HEATR6: variants seen among roughly 807,000 people sequenced by gnomAD.
The protein encoded by HEATR6 is HEAT repeat containing 6, also known as HEAT repeat-containing protein 6.
HEATR6 carries 106 observed loss-of-function variants against 132.8 expected under a neutral mutation model. The ratio of observed to expected loss-of-function variants is 0.80; its 90% CI spans 0.68 to 0.94. HEATR6 has a LOEUF of 0.94. HEATR6 is among the 40% of genes least tolerant of loss of function. The pLI is 0.00. For synonymous variants in HEATR6, 529 were observed against 537.8 expected, an observed-to-expected ratio of 0.98 and a Z score of 0.23; for missense variants, 1,339 against 1,425.1, an observed-to-expected ratio of 0.94 and a Z score of 0.97.
chr17:60,058,795 T>C (rs895789264), intron 11 of HEATR6, among the ~76,000 whole-genome samples: 2 of 152,204 alleles, frequency 1.3e-5, no homozygotes, highest in Non-Finnish European at 2.9e-5. Context: ...TATTCCTTCC[T>C]TGTTACAATT....
At chr17:60,056,293 C>A in intron 12 of HEATR6, 56 bp from the exon 13 acceptor site, 4 of 1,510,270 alleles carry the variant, frequency 2.6e-6, no homozygotes, top group Non-Finnish European at 2.7e-6. Flanking sequence ...GCTGCAATAT[C>A]CAGAAAAGTG....
intron 9 of HEATR6, among the ~76,000 whole-genome samples, chr17:60,065,552 G>A (rs372053864): frequency 6.6e-6 from 1 of 152,164 alleles, no homozygotes; most frequent in South Asian, 2.1e-4. Flanking sequence ...CTAAATTCTG[G>A]AGAAGAATTA....
At position 60,048,378 on chromosome 17, in the gene HEATR6, AAT is replaced by A. The variant is rs759675436; in HGVS notation, c.2556_2557del (p.Phe853CysfsTer13). 6.2e-7 allele frequency: 1 copy of A among 1,611,896 alleles called. No individual in the cohort carries two copies. Among genetic ancestry groups the A allele is most frequent in the Admixed American group, 1.7e-5 (1 of 59,914 alleles). ...TATTGCATTTGCTGCGTCTGCAACA[AAT>A]ATGACATCCTGTAACACAAAACAAA... On this transcript the variant is annotated frameshift_variant, in exon 17 of 20. Transcript: ENST00000184956. LOFTEE classifies it high-confidence loss of function.
intron 8 of HEATR6, among the ~76,000 whole-genome samples, chr17:60,066,713 C>T (rs1254117531): frequency 1.3e-5 from 2 of 152,156 alleles, no homozygotes; most frequent in Admixed American, 6.5e-5. Context: ...ATCCATTCAA[C>T]GAATATCTAC....
At position 60,043,964 on chromosome 17, in the gene HEATR6, C is replaced by T. The variant is rs756583158; in HGVS notation, c.3145G>A (p.Ala1049Thr). Reference sequence around the variant, plus strand: ...ATGGTGTCTTCACTCTTCTGTAAAGCGGTGACCAATGCATTCCAGATCCGA... The same window carrying T: ...ATGGTGTCTTCACTCTTCTGTAAAGTGGTGACCAATGCATTCCAGATCCGA... ...YARIWNALVT[A>T]LQKSEDTIDF... The change falls in exon 20 of 20, where the codon GCT becomes ACT. Residue 1049 changes from alanine to threonine, a missense_variant. Coordinates refer to ENST00000184956, the MANE Select transcript of HEATR6 (RefSeq NM_022070.5). 29 of 1,613,948 alleles carry T rather than the reference C, an allele frequency of 1.8e-5. No homozygotes were observed. The highest frequency in any genetic ancestry group is 2.2e-5 in the East Asian group (1 of 44,902).
At position 60,057,194 on chromosome 17, in the gene HEATR6, T is replaced by A. The variant is rs1906772546; in HGVS notation, c.1933A>T (p.Lys645Ter). The part of the protein sequence containing the change: ...SLEETSVSSP[K>*]GSSEPCWLIR... Reference sequence around the variant, plus strand: ...AGCCAGCAGGGCTCTGAAGACCCCTTAGGTGAGCTAACTGACGTTTCTTCC... The same window carrying A: ...AGCCAGCAGGGCTCTGAAGACCCCTAAGGTGAGCTAACTGACGTTTCTTCC... Residue 645 changes from lysine (K) to a stop codon, truncating the protein, a stop_gained, in exon 12 of 20, where the codon AAG becomes TAG. Coordinates refer to ENST00000184956, the MANE Select transcript of HEATR6 (RefSeq NM_022070.5). LOFTEE classifies it high-confidence loss of function. 1 of 1,614,056 alleles carries A rather than the reference T, an allele frequency of 6.2e-7. No individual in the cohort carries two copies. Among genetic ancestry groups the A allele is most frequent in the African/African-American group, 1.3e-5 (1 of 74,920 alleles).
At position 60,059,958 on chromosome 17, in the gene HEATR6, ACT is replaced by A; in HGVS notation, c.1553_1554del (p.Glu518ValfsTer23). On this transcript the variant is annotated frameshift_variant, in exon 10 of 20. Coordinates refer to ENST00000184956, the MANE Select transcript of HEATR6 (RefSeq NM_022070.5). ...AAAGCTAACAAAAGACATCTGTGCA[ACT>A]CTCTAATGCTGCAAGCGATCATTAC... ...FSVMIACSIR[E>X]LHRCLLLALV... The A allele has an allele frequency of 6.2e-7, 1 of 1,613,810 alleles. No homozygotes were observed. Among genetic ancestry groups the A allele is most frequent in the Non-Finnish European group, 8.5e-7 (1 of 1,179,800 alleles).
chr17:60,048,983 A>AATAT (rs35114523), intron 16 of HEATR6, among the ~76,000 whole-genome samples: 3,382 of 69,038 alleles, frequency 0.049, 100 homozygotes, highest in East Asian at 0.15. Flanking sequence ...ATATATATAT[A>AATAT]ATATATATAT....
Position 60,076,440 on chromosome 17 carries a change from C to A in HEATR6, c.220-203G>T, listed in dbSNP as rs186751582. ...GGAAAAAGCCAGGCACAGTGGCTCA[C>A]ACCTAATCCCAGTTCTTCCGGAGGT... On this transcript the variant is annotated intron_variant, in intron 1 of 19. Transcript: ENST00000184956. The A allele has an allele frequency of 1.0e-4, 52 of 510,070 alleles. 1 individual carries two copies. Among genetic ancestry groups the A allele is most frequent in the African/African-American group, 7.5e-4 (39 of 51,968 alleles). The allele number at this position is 510,070 out of a possible 1,614,324, so 31.6% of individuals were successfully genotyped here. A position where few individuals can be genotyped will look rare whatever the true frequency, so the allele number is the denominator to read the frequency against.
Position 60,048,265 on chromosome 17 carries a change from T to C in HEATR6, c.2671A>G (p.Met891Val). The change falls in exon 17 of 20, where the codon ATG becomes GTG. Residue 891 changes from methionine (M) to valine (V), a missense_variant and splice_region_variant. Met to Val is a conservative substitution (Grantham distance 21). Transcript: ENST00000184956. ...GNLTDTLIVN[M>V]ETPDPSFQEE... Reference sequence around the variant, plus strand: ...GGGAAAGCAAGCTCAGTCACCTACATGTTGACAATCAGAGTGTCTGTCAGG... The same window carrying C: ...GGGAAAGCAAGCTCAGTCACCTACACGTTGACAATCAGAGTGTCTGTCAGG... 6.2e-7 allele frequency: 1 copy of C among 1,612,638 alleles called. No individual in the cohort carries two copies. Among genetic ancestry groups the C allele is most frequent in the Non-Finnish European group, 8.5e-7 (1 of 1,178,950 alleles).
chr17:60,043,654 C>G lies in HEATR6; in HGVS notation c.3455G>C (p.Arg1152Thr). 1 of 1,614,152 alleles carries G rather than the reference C, an allele frequency of 6.2e-7. No individual in the cohort carries two copies. Among genetic ancestry groups the G allele is most frequent in the Non-Finnish European group, 8.5e-7 (1 of 1,180,040 alleles). Residue 1152 changes from arginine to threonine, a missense_variant, in exon 20 of 20, where the codon AGG becomes ACG. Coordinates refer to ENST00000184956, the MANE Select transcript of HEATR6 (RefSeq NM_022070.5). ...IQAPTGDTARRAIMGFLEEIL... is the reference protein window; with the variant it reads ...IQAPTGDTARTAIMGFLEEIL... ...CTCTTCTAAAAAGCCCATGATGGCCCTTCTGGCTGTGTCTCCAGTTGGTGC... is the reference window on the plus strand; with the variant it reads ...CTCTTCTAAAAAGCCCATGATGGCCGTTCTGGCTGTGTCTCCAGTTGGTGC...
Position 60,050,932 on chromosome 17 carries a change from C to T in HEATR6, c.2335G>A (p.Ala779Thr). ...TMMLNGPLPR[A>T]LQNSEHPTLQ... ...GTTGGGTGTTCTGAATTCTGCAGGGCTCTGGGTAAAGGACCGTTCAGCATC... is the reference window on the plus strand; with the variant it reads ...GTTGGGTGTTCTGAATTCTGCAGGGTTCTGGGTAAAGGACCGTTCAGCATC... Residue 779 changes from alanine to threonine, a missense_variant, in exon 15 of 20, where the codon GCC becomes ACC. Coordinates refer to ENST00000184956, the MANE Select transcript of HEATR6 (RefSeq NM_022070.5). 6.2e-7 allele frequency: 1 copy of T among 1,614,180 alleles called. No individual in the cohort carries two copies. The highest frequency in any genetic ancestry group is 8.5e-7 in the Non-Finnish European group (1 of 1,180,022).
intron 7 of HEATR6, among the ~76,000 whole-genome samples, chr17:60,068,142 A>C (rs2083252512): frequency 6.6e-6 from 1 of 152,220 alleles, no homozygotes. Flanking sequence ...ATTAAAGCCT[A>C]TAGAAAATGA....
chr17:60,060,111 T>C lies in HEATR6; in HGVS notation c.1417-15A>G, dbSNP rs1906884546. 3 of 1,571,094 alleles carry C rather than the reference T, an allele frequency of 1.9e-6. No individual in the cohort carries two copies. Among genetic ancestry groups the C allele is most frequent in the African/African-American group, 1.3e-5 (1 of 74,112 alleles). The stretch of plus-strand genomic sequence containing the variant: ...CAGGCACGTGTCTGAAATTTCGGGA[T>C]GATTCACATTGATTAGTTGAAAATT... On this transcript the variant is annotated splice_polypyrimidine_tract_variant and intron_variant, in intron 9 of 19. Transcript: ENST00000184956.
In HEATR6 at chr17:60,046,210, C is replaced by T. The variant is rs750397039; in HGVS notation, c.2789G>A (p.Arg930Gln). 52 of 1,609,688 alleles carry T rather than the reference C, an allele frequency of 3.2e-5. No individual in the cohort carries two copies. The highest frequency in any genetic ancestry group is 6.7e-5 in the East Asian group (3 of 44,866). The part of the protein sequence containing the change: ...DKDKVKSNAV[R>Q]ALGNLLHFLQ... ...AAAATGAAGCAAATTTCCAAGGGCC[C>T]GGACTGCATTGCTTTTTACCTAGAA... The change falls in exon 19 of 20, where the codon CGG becomes CAG. Residue 930 changes from arginine to glutamine, a missense_variant. Arg to Gln is a conservative substitution (Grantham distance 43). Coordinates refer to ENST00000184956, the MANE Select transcript of HEATR6 (RefSeq NM_022070.5).
In HEATR6 at chr17:60,051,049, A is replaced by G. The variant is rs1290078531; in HGVS notation, c.2290-72T>C. The G allele has an allele frequency of 1.3e-5, 20 of 1,525,568 alleles. No individual in the cohort carries two copies. In the South Asian group the frequency reaches 1.7e-4, roughly 13 times the overall value. 94.5% of individuals were successfully genotyped at this position (1,525,568 alleles called of 1,614,324 possible). A position where few individuals can be genotyped will look rare whatever the true frequency, so the allele number is the denominator to read the frequency against. ...GAACCAACTTGGAGCTAAGCCTACCAGAAATGGCCTTAGTGAAACATTTTC... is the reference window on the plus strand; with the variant it reads ...GAACCAACTTGGAGCTAAGCCTACCGGAAATGGCCTTAGTGAAACATTTTC... On this transcript the variant is annotated intron_variant, in intron 14 of 19. Coordinates refer to ENST00000184956, the MANE Select transcript of HEATR6 (RefSeq NM_022070.5).
intron 16 of HEATR6, 89 bp from the exon 17 acceptor site, chr17:60,048,477 G>T: frequency 8.0e-7 from 1 of 1,255,150 alleles, no homozygotes; most frequent in Non-Finnish European, 1.1e-6. Context: ...AAAGCTAGAA[G>T]CCTTCATGCA....
intron 5 of HEATR6, among the ~76,000 whole-genome samples, chr17:60,071,831 C>T (rs898098122): frequency 6.6e-6 from 1 of 152,104 alleles, no homozygotes; most frequent in Non-Finnish European, 1.5e-5. Context: ...AAATGTGTTA[C>T]TCTAAATTTA....
In HEATR6 at chr17:60,073,160, A is replaced by G. The variant is rs774103274; in HGVS notation, c.584+4T>C. ...CATTGAGAAACTTGACTGGAGCCAC[A>G]TACCTGAGACATAAGTTTGCCATAC... On this transcript the variant is annotated splice_donor_region_variant and intron_variant, in intron 4 of 19. Transcript: ENST00000184956. 5.1e-6 allele frequency: 8 copies of G among 1,560,108 alleles called. No homozygotes were observed. The highest frequency in any genetic ancestry group is 7.1e-6 in the Non-Finnish European group (8 of 1,130,962).
Sources: gnomAD v4.1 joint callset for allele counts (sites outside exome capture counted in the v4.1 genomes callset) on GRCh38, gnomAD v4.1.1 for gene constraint, MANE v1.5 for transcripts, NCBI Gene and HGNC (gene_info 2026-07-23, HGNC 2026-07-21) for gene names.